APOBEC3F: variants seen among roughly 807,000 people sequenced by gnomAD.
APOBEC3F encodes DNA dC->dU-editing enzyme APOBEC-3F.
A neutral mutation model predicts 45.8 loss-of-function variants in APOBEC3F; 34 were observed. That is an observed-to-expected ratio of 0.74 (90% CI 0.57 to 0.99). The LOEUF (loss-of-function observed/expected upper bound fraction) is 0.99. Among genes scored for constraint, APOBEC3F ranks in the 50% least tolerant of loss-of-function variants. The probability of loss-of-function intolerance (pLI) is 0.00; values close to 1 mark genes in which losing one functional copy is unlikely to be tolerated. For synonymous variants in APOBEC3F, 192 were observed against 174.4 expected, an observed-to-expected ratio of 1.10 and a Z score of -0.80; for missense variants, 459 against 474.1, an observed-to-expected ratio of 0.97 and a Z score of 0.30.
Position 39,044,118 on chromosome 22 carries a change from G to A in APOBEC3F, c.172-823G>A, listed in dbSNP as rs1224803607. On this transcript the variant is annotated intron_variant, in intron 2 of 6. Coordinates refer to ENST00000308521, the MANE Select transcript of APOBEC3F (RefSeq NM_145298.6). ...CTTTCATCAGAGCCCCATTTCAAGT[G>A]CTCAGTAGCCCCTTTGGCCAGTGCG... 7.1e-6 allele frequency: 11 copies of A among 1,559,548 alleles called. No homozygotes were observed. In the Admixed American group the frequency reaches 9.7e-5, roughly 14 times the overall value.
At chr22:39,046,421 C>A (rs900153307) in intron 4 of APOBEC3F, among the ~76,000 whole-genome samples, 7 of 152,054 alleles carry the variant, frequency 4.6e-5, no homozygotes, top group African/African-American at 1.4e-4. Context: ...GTCTCCCAGG[C>A]GAGTCCTGCC....
At chr22:39,043,939 C>T (rs1043971138) in intron 2 of APOBEC3F, 18 of 1,208,656 alleles carry the variant, frequency 1.5e-5, no homozygotes, top group Admixed American at 7.5e-5. Flanking sequence ...GCAGGAGAAC[C>T]GCTTGAACCC....
In APOBEC3F at chr22:39,049,326, G is replaced by T. The variant is rs528680044; in HGVS notation, c.567-99G>T. On this transcript the variant is annotated intron_variant, in intron 4 of 6. Coordinates refer to ENST00000308521, the MANE Select transcript of APOBEC3F (RefSeq NM_145298.6). ...AGTCTTTCTGCCTGGGAAAGCAGCA[G>T]ACATTCCCAGGGCTGTCCAGTGAGT... 1.1e-5 allele frequency: 15 copies of T among 1,368,702 alleles called. No homozygotes were observed. The African/African-American group carries it at 2.0e-4, about 18-fold the overall frequency. 84.8% of individuals were successfully genotyped at this position (1,368,702 alleles called of 1,614,324 possible).
chr22:39,046,383 C>T (rs1927220584), intron 4 of APOBEC3F, among the ~76,000 whole-genome samples: 1 of 152,106 alleles, frequency 6.6e-6, no homozygotes, highest in Non-Finnish European at 1.5e-5. Flanking sequence ...TTGCGTGGGG[C>T]ATGCAGGGGT....
chr22:39,041,019 C>T (rs1220833592), intron 1 of APOBEC3F, 42 bp downstream of exon 1: 6 of 1,572,746 alleles, frequency 3.8e-6, no homozygotes, highest in Non-Finnish European at 4.3e-6. Context: ...TCTGCTGCCC[C>T]TTCCTGCCTG....
In APOBEC3F at chr22:39,041,314, GGAGAATTGAACCA is replaced by G. The variant is rs564882830; in HGVS notation, c.17+338_17+350del. ...CCGCCATTCCTGAACTCTGGAACTGGGAGAATTGAACCAAAGGATGATTAGAGCAATGTGGAAT... is the reference window on the plus strand; with the variant it reads ...CCGCCATTCCTGAACTCTGGAACTGGAAGGATGATTAGAGCAATGTGGAAT... On this transcript the variant is annotated intron_variant, in intron 1 of 6. Transcript: ENST00000308521. Among the ~76,000 whole-genome samples the G allele has an allele frequency of 3.0e-3, 460 of 152,304 alleles. 10 individuals carry two copies. The highest frequency in any genetic ancestry group is 1.0e-3 in the Non-Finnish European group (69 of 68,026).
At chr22:39,048,392 T>G (rs1341152124) in intron 4 of APOBEC3F, among the ~76,000 whole-genome samples, 2 of 152,162 alleles carry the variant, frequency 1.3e-5, no homozygotes, top group Non-Finnish European at 2.9e-5. Context: ...TGGCCTAGGC[T>G]GGCCGGGCAC....
At chr22:39,045,394 C>G (rs564841819) in intron 3 of APOBEC3F, 34 bp from the exon 4 acceptor site, 49 of 1,613,904 alleles carry the variant, frequency 3.0e-5, no homozygotes, top group South Asian at 2.4e-4. Context: ...AGGGTCAGGG[C>G]AGAGCCTGAC....
Position 39,042,128 on chromosome 22 carries a change from G to A in APOBEC3F, c.18-809G>A, listed in dbSNP as rs550087825. On this transcript the variant is annotated intron_variant, in intron 1 of 6. Coordinates refer to ENST00000308521, the MANE Select transcript of APOBEC3F (RefSeq NM_145298.6). ...CCTCTGTAAGATGGGAATGGCCCGT[G>A]CGGGCCTAGGGCAGCCTCACATGAG... is the stretch of plus-strand genomic sequence containing the variant. Among the ~76,000 whole-genome samples the A allele has an allele frequency of 2.0e-5, 3 of 152,302 alleles. No individual in the cohort carries two copies. The East Asian group carries it at 5.8e-4, about 29-fold the overall frequency.
Position 39,049,578 on chromosome 22 carries a change from C to A in APOBEC3F, c.720C>A (p.Asn240Lys). Residue 240 changes from asparagine (N) to lysine (K), a missense_variant, in exon 5 of 7, where the codon AAC becomes AAA. Asn to Lys is a moderately conservative substitution (Grantham distance 94, BLOSUM62 0). Coordinates refer to ENST00000308521, the MANE Select transcript of APOBEC3F (RefSeq NM_145298.6). The stretch of plus-strand genomic sequence containing the variant: ...CCTGGAAGAGGGGCGTCTTCCGAAA[C>A]CAGGTAGCACCAAAGTCCTATTTAC... ...PVSWKRGVFR[N>K]QVDPETHCHA... is the part of the protein sequence containing the mutation. 6.2e-7 allele frequency: 1 copy of A among 1,613,992 alleles called. No homozygotes were observed. The highest frequency in any genetic ancestry group is 8.5e-7 in the Non-Finnish European group (1 of 1,179,954).
chr22:39,052,460 G>T, intron 6 of APOBEC3F, 107 bp downstream of exon 6: 1 of 1,573,574 alleles, frequency 6.4e-7, no homozygotes, highest in Non-Finnish European at 8.6e-7. Context: ...AGCCTGCAGG[G>T]ATGGCGCCAG....
chr22:39,043,466 A>G (rs1033779969), intron 2 of APOBEC3F, among the ~76,000 whole-genome samples: 1 of 92,114 alleles, frequency 1.1e-5, no homozygotes, highest in Non-Finnish European at 2.2e-5. Context: ...ACGCCCAGCT[A>G]ATTTTTTTTT....
In APOBEC3F at chr22:39,052,185, C is replaced by T; in HGVS notation, c.835C>T (p.Pro279Ser). ...GGTCACCTGGTACACATCTTGGAGCCCTTGCCCAGAGTGTGCAGGGGAGGT... is the reference window on the plus strand; with the variant it reads ...GGTCACCTGGTACACATCTTGGAGCTCTTGCCCAGAGTGTGCAGGGGAGGT... The part of the protein sequence containing the change: ...YEVTWYTSWS[P>S]CPECAGEVAE... Residue 279 changes from proline to serine, a missense_variant, in exon 6 of 7, where the codon CCT (proline) becomes TCT (serine). By Grantham distance (74) the Pro-to-Ser change is moderately conservative. Transcript: ENST00000308521. 1 of 1,614,160 alleles carries T rather than the reference C, an allele frequency of 6.2e-7. No homozygotes were observed. Among genetic ancestry groups the T allele is most frequent in the Non-Finnish European group, 8.5e-7 (1 of 1,180,018 alleles).
intron 4 of APOBEC3F, among the ~76,000 whole-genome samples, chr22:39,046,162 C>T (rs376729478): frequency 3.9e-5 from 6 of 152,260 alleles, no homozygotes; most frequent in African/African-American, 1.4e-4. Context: ...TGCACCTGCA[C>T]CCCTGGGGTC....
intron 4 of APOBEC3F, among the ~76,000 whole-genome samples, chr22:39,047,334 C>T (rs980878913): frequency 2.1e-4 from 32 of 152,164 alleles, no homozygotes; most frequent in Admixed American, 1.8e-3. Context: ...TCCTCCCATC[C>T]AGGTGAGAAA....
chr22:39,054,243 A>AT lies in APOBEC3F; in HGVS notation c.*1554dup, dbSNP rs967123970. Reference sequence around the variant, plus strand: ...CCCAGGCTGGTCTTATTTTTATTTTATTTTTTGAGATGGAGTCTTGCTCTG... The same window carrying AT: ...CCCAGGCTGGTCTTATTTTTATTTTATTTTTTTGAGATGGAGTCTTGCTCTG... On this transcript the variant is annotated 3_prime_UTR_variant, in exon 7 of 7. Transcript: ENST00000308521. 6.7e-6 allele frequency among the ~76,000 whole-genome samples: 1 copy of AT among 149,920 alleles called. No individual in the cohort carries two copies. The highest frequency in any genetic ancestry group is 1.5e-5 in the Non-Finnish European group (1 of 67,422).
In APOBEC3F at chr22:39,044,982, C is replaced by A. The variant is rs925890136; in HGVS notation, c.213C>A (p.Leu71=). Residue 71 remains leucine (L), a synonymous_variant, in exon 3 of 7, where the codon CTC becomes CTA. Transcript: ENST00000308521. ...QPEHHAEMCF[L]SWFCGNQLPA... ...AGCACCACGCAGAAATGTGCTTCCT[C>A]TCTTGGTTCTGTGGCAACCAGCTGC... 1.2e-6 allele frequency: 2 copies of A among 1,613,982 alleles called. No homozygotes were observed. Among genetic ancestry groups the A allele is most frequent in the African/African-American group, 2.7e-5 (2 of 74,894 alleles).
chr22:39,054,497 T>C lies in APOBEC3F; in HGVS notation c.*1802T>C, dbSNP rs1927630837. Among the ~76,000 whole-genome samples, 2 of 152,248 alleles carry C rather than the reference T, an allele frequency of 1.3e-5. No homozygotes were observed. Among genetic ancestry groups the C allele is most frequent in the South Asian group, 4.1e-4 (2 of 4,834 alleles). On this transcript the variant is annotated 3_prime_UTR_variant, in exon 7 of 7. Coordinates refer to ENST00000308521, the MANE Select transcript of APOBEC3F (RefSeq NM_145298.6). ...CACCCGTCTCGGCCTCCCAAAGTGCTGGGATTACAGGCGTGAGCCACCTGG... is the reference window on the plus strand; with the variant it reads ...CACCCGTCTCGGCCTCCCAAAGTGCCGGGATTACAGGCGTGAGCCACCTGG...
intron 1 of APOBEC3F, among the ~76,000 whole-genome samples, chr22:39,042,047 G>T (rs928852496): frequency 2.0e-5 from 3 of 152,142 alleles, no homozygotes; most frequent in African/African-American, 7.2e-5. Context: ...AGCCCCATCC[G>T]TCCCCAGCTC....
Sources: allele counts gnomAD v4.1 joint callset (sites outside exome capture counted in the v4.1 genomes callset), GRCh38; gene constraint gnomAD v4.1.1; transcripts MANE v1.5; gene names NCBI Gene and HGNC (gene_info 2026-07-23, HGNC 2026-07-21).